Variants in RIN2 observed in about 807,000 individuals in gnomAD.
The protein encoded by RIN2 is Ras and Rab interactor 2.
RIN2 carries 36 observed loss-of-function variants against 78.0 expected under a neutral mutation model. The observed-to-expected ratio is 0.46, with a 90% CI of 0.35 to 0.61. The LOEUF (loss-of-function observed/expected upper bound fraction) is 0.61, where lower values mean the gene tolerates loss of function less well. RIN2 is among the 20% of genes least tolerant of loss of function. The pLI is 0.00. For synonymous variants in RIN2, 466 were observed against 466.8 expected, an observed-to-expected ratio of 1.00 and a Z score of 0.02; for missense variants, 1,087 against 1,159.7, an observed-to-expected ratio of 0.94 and a Z score of 0.91.
chr20:19,861,640 A>T (rs1166974355), intron 2 of RIN2, among the ~76,000 whole-genome samples: 1 of 146,518 alleles, frequency 6.8e-6, no homozygotes, highest in Non-Finnish European at 1.5e-5. Context: ...TCTAATGATC[A>T]CCCTCCATAT....
chr20:19,833,170 G>T (rs908181899), intron 2 of RIN2, among the ~76,000 whole-genome samples: 16 of 152,068 alleles, frequency 1.1e-4, no homozygotes, highest in African/African-American at 3.9e-4. Flanking sequence ...CTCCTCTTGG[G>T]ATCTGTGAGT....
intron 3 of RIN2, among the ~76,000 whole-genome samples, chr20:19,897,920 C>T (rs2038808600): frequency 6.6e-6 from 1 of 152,128 alleles, no homozygotes; most frequent in Admixed American, 6.5e-5. Flanking sequence ...CACTTCGTTG[C>T]CCCGTCTGGT....
chr20:19,972,869 G>A (rs543152869), intron 8 of RIN2, among the ~76,000 whole-genome samples: 67 of 152,300 alleles, frequency 4.4e-4, no homozygotes, highest in African/African-American at 1.5e-3. Flanking sequence ...ATTTGAAACT[G>A]TCTAGTAGCC....
intron 2 of RIN2, among the ~76,000 whole-genome samples, chr20:19,800,238 G>GT (rs1004218131): frequency 5.5e-4 from 84 of 152,072 alleles, no homozygotes; most frequent in African/African-American, 1.8e-3. Context: ...ACTTTTTGTA[G>GT]TTTTTTTTAT....
intron 2 of RIN2, among the ~76,000 whole-genome samples, chr20:19,844,659 TCTTCTTCTTC>T (rs2036706048): frequency 5.0e-4 from 70 of 140,300 alleles, no homozygotes; most frequent in Admixed American, 5.1e-4. Flanking sequence ...TTCTTCTTCT[TCTTCTTCTTC>T]CTTCTTCTTC....
chr20:19,914,688 G>T (rs1302330374), intron 3 of RIN2, among the ~76,000 whole-genome samples: 1 of 152,166 alleles, frequency 6.6e-6, no homozygotes, highest in Non-Finnish European at 1.5e-5. Context: ...TCACAGTGTG[G>T]TCTGCCCGTC....
chr20:19,937,765 A>AT (rs1433876188), intron 4 of RIN2, among the ~76,000 whole-genome samples: 2 of 152,250 alleles, frequency 1.3e-5, no homozygotes, highest in African/African-American at 4.8e-5. Flanking sequence ...CTTCCATGGC[A>AT]TAGGTGCTTC....
At chr20:19,845,775 T>C (rs2036762357) in intron 2 of RIN2, among the ~76,000 whole-genome samples, 2 of 152,318 alleles carry the variant, frequency 1.3e-5, no homozygotes, top group South Asian at 2.1e-4. Context: ...CCATTGCTTT[T>C]GGTGTTTTAG....
chr20:19,851,038 G>GAAGGAGA (rs2036953725), intron 2 of RIN2, among the ~76,000 whole-genome samples: 1 of 88,376 alleles, frequency 1.1e-5, no homozygotes, highest in Non-Finnish European at 2.4e-5. Context: ...AGGAAGGAAG[G>GAAGGAGA]AAGGAAGGAA....
intron 2 of RIN2, among the ~76,000 whole-genome samples, chr20:19,859,526 T>C (rs1018359430): frequency 1.3e-5 from 2 of 152,240 alleles, no homozygotes; most frequent in African/African-American, 4.8e-5. Context: ...TTATCTTTCT[T>C]GCCCACTTTG....
chr20:19,848,181 TATATG>T (rs1313017681), intron 2 of RIN2, among the ~76,000 whole-genome samples: 1 of 152,160 alleles, frequency 6.6e-6, no homozygotes, highest in Non-Finnish European at 1.5e-5. Context: ...GAGCTACAGT[TATATG>T]ATATGTGTAC....
At chr20:19,968,869 GC>G (rs2042018166) in intron 7 of RIN2, among the ~76,000 whole-genome samples, 1 of 151,990 alleles carries the variant, frequency 6.6e-6, no homozygotes, top group Admixed American at 6.6e-5. Context: ...CAGGGTTGCC[GC>G]CCTGCCAGGT....
At chr20:19,791,073 G>T (rs1273821764) in intron 1 of RIN2, among the ~76,000 whole-genome samples, 1 of 152,108 alleles carries the variant, frequency 6.6e-6, no homozygotes, top group Non-Finnish European at 1.5e-5. Context: ...CTTTCAGATG[G>T]CCCACAAAGA....
chr20:19,942,857 G>C (rs1419902661), intron 4 of RIN2, among the ~76,000 whole-genome samples: 2 of 152,086 alleles, frequency 1.3e-5, no homozygotes, highest in African/African-American at 4.8e-5. Flanking sequence ...TTTTGACCTT[G>C]GCCACACAAT....
chr20:19,759,017 T>C (rs903644363), intron 1 of RIN2, among the ~76,000 whole-genome samples: 1 of 152,196 alleles, frequency 6.6e-6, no homozygotes, highest in African/African-American at 2.4e-5. Context: ...ACGGGGCCAC[T>C]TTCCCACTTT....
intron 3 of RIN2, among the ~76,000 whole-genome samples, chr20:19,914,762 T>C (rs2039616667): frequency 6.6e-6 from 1 of 152,208 alleles, no homozygotes; most frequent in African/African-American, 2.4e-5. Context: ...AATCAGAACC[T>C]GCACCTTCAC....
At chr20:19,867,065 C>T (rs1211076320) in intron 2 of RIN2, among the ~76,000 whole-genome samples, 1 of 151,764 alleles carries the variant, frequency 6.6e-6, no homozygotes, top group Non-Finnish European at 1.5e-5. Context: ...TTCAAATTTA[C>T]ACAAAGTTTG....
chr20:19,822,919 GC>G (rs1478158581), intron 2 of RIN2, among the ~76,000 whole-genome samples: 3 of 151,920 alleles, frequency 2.0e-5, no homozygotes, highest in Non-Finnish European at 4.4e-5. Context: ...TTTTGGCCTA[GC>G]AACTTAGTAA....
At chr20:19,857,307 A>C (rs2037198965) in intron 2 of RIN2, among the ~76,000 whole-genome samples, 1 of 152,106 alleles carries the variant, frequency 6.6e-6, no homozygotes, top group South Asian at 2.1e-4. Flanking sequence ...ATATATCAGT[A>C]ATTTGTTCCT....
Sources: allele counts gnomAD v4.1 joint callset (sites outside exome capture counted in the v4.1 genomes callset), GRCh38; gene constraint gnomAD v4.1.1; transcripts MANE v1.5; gene names NCBI Gene and HGNC (gene_info 2026-07-23, HGNC 2026-07-21).